CRACD: variants seen among roughly 807,000 people sequenced by gnomAD.
The protein encoded by CRACD is capping protein-inhibiting regulator of actin dynamics.
In CRACD, 56 loss-of-function variants were observed where a neutral mutation model predicts 106.8. The ratio of observed to expected loss-of-function variants is 0.52; its 90% CI spans 0.42 to 0.66. The LOEUF (loss-of-function observed/expected upper bound fraction) is 0.66, where lower values mean the gene tolerates loss of function less well. Ranked by LOEUF, CRACD falls within the 30% of genes least tolerant of loss-of-function variation. The probability of loss-of-function intolerance (pLI) is 0.00; values close to 1 mark genes in which losing one functional copy is unlikely to be tolerated. For missense variants in CRACD, 1,730 were observed against 1,623.2 expected (o/e 1.07, Z -1.13); for synonymous variants, 754 against 670.8 (o/e 1.12, Z -1.92).
chr4:56,058,907 A>G (rs1025230121), intron 1 of CRACD, among the ~76,000 whole-genome samples: 2 of 152,208 alleles, frequency 1.3e-5, no homozygotes, highest in Non-Finnish European at 2.9e-5. Context: ...TTCATAATCC[A>G]TACTAGAAAT....
chr4:56,245,351 A>G (rs1740623692), intron 2 of CRACD, among the ~76,000 whole-genome samples: 1 of 152,194 alleles, frequency 6.6e-6, no homozygotes, highest in Admixed American at 6.5e-5. Flanking sequence ...AGAATGTCTA[A>G]TCTCAGAATC....
At chr4:56,316,742 G>GAC in intron 8 of CRACD, 53 bp downstream of exon 8, 2 of 1,542,850 alleles carry the variant, frequency 1.3e-6, no homozygotes, top group Non-Finnish European at 8.8e-7. Flanking sequence ...CAGAGCCAGG[G>GAC]CATCAAGAAG....
At chr4:56,296,326 C>A (rs990427849) in intron 3 of CRACD, among the ~76,000 whole-genome samples, 3 of 151,580 alleles carry the variant, frequency 2.0e-5, no homozygotes, top group South Asian at 2.1e-4. Context: ...TAAAACTCCA[C>A]ACAGTTTTTT....
Position 56,170,009 on chromosome 4 carries a change from T to G in CRACD, c.-335-9275T>G, listed in dbSNP as rs115484313. ...TTGAATGAGTTCAGTTTATGATACTTAGGTTCTGTTTGTACTTTCACTGAG... is the reference window on the plus strand; with the variant it reads ...TTGAATGAGTTCAGTTTATGATACTGAGGTTCTGTTTGTACTTTCACTGAG... On this transcript the variant is annotated intron_variant, in intron 1 of 10. Coordinates refer to ENST00000682029, the MANE Select transcript of CRACD (RefSeq NM_001393381.1). 8.7e-3 allele frequency among the ~76,000 whole-genome samples: 1,321 copies of G among 152,288 alleles called. 16 individuals are homozygous for G. The highest frequency in any genetic ancestry group is 0.029 in the Admixed American group (448 of 15,290).
At position 56,314,992 on chromosome 4, in the gene CRACD, C is replaced by G. The variant is rs542112433; in HGVS notation, c.1490C>G (p.Pro497Arg). ...GAGCCTCTCCTGAAACAAGAGGGGC[C>G]GGTGGAAGCCGCGCAGCCTCCGGTG... ...DTEPLLKQEGPVEAAQPPVER... is the reference protein window; with the variant it reads ...DTEPLLKQEGRVEAAQPPVER... Residue 497 changes from proline (P) to arginine (R), a missense_variant, in exon 8 of 11, where the codon CCG becomes CGG. By Grantham distance (103) the Pro-to-Arg change is moderately radical. Around this residue, in one of 5 missense-constraint regions of CRACD, gnomAD observed 1,620 missense variants for 1,481.6 expected, o/e 1.09. Transcript: ENST00000682029. The surrounding 1 kb of genome is among the most constrained non-coding windows in gnomAD (Gnocchi z 4.4). The G allele has an allele frequency of 6.3e-7, 1 of 1,585,278 alleles. No homozygotes were observed. The highest frequency in any genetic ancestry group is 1.1e-5 in the South Asian group (1 of 87,006).
In CRACD at chr4:56,049,318, C is replaced by G. The variant is rs977036828; in HGVS notation, c.-336+19C>G. On this transcript the variant is annotated intron_variant, in intron 1 of 10. Transcript: ENST00000682029. ...ACCTCAGGTGAGCGCCTGCTCGGCCCGCGGCCGGAGCCAGACAATGGGGAC... is the reference window on the plus strand; with the variant it reads ...ACCTCAGGTGAGCGCCTGCTCGGCCGGCGGCCGGAGCCAGACAATGGGGAC... The G allele has an allele frequency of 2.0e-5, 3 of 151,702 alleles. No individual in the cohort carries two copies. The highest frequency in any genetic ancestry group is 4.4e-5 in the Non-Finnish European group (3 of 67,890). 9.4% of individuals were successfully genotyped at this position (151,702 alleles called of 1,614,324 possible).
chr4:56,226,397 G>A (rs992041772), intron 2 of CRACD, among the ~76,000 whole-genome samples: 6 of 152,096 alleles, frequency 3.9e-5, no homozygotes, highest in African/African-American at 1.4e-4. Context: ...GAGGAGAAAC[G>A]CAGATACAAG....
rs544951818 is a variant in CRACD at position 56,326,257 on chromosome 4, T to C, written c.3542-1387T>C. On this transcript the variant is annotated intron_variant, in intron 10 of 10. Transcript: ENST00000682029. The stretch of plus-strand genomic sequence containing the variant: ...CCACTTTAGAATGCTGTGTAATTTC[T>C]TAAGAACCGCAGGCAGGCATTATGT... Among the ~76,000 whole-genome samples, 821 of 113,982 alleles carry C rather than the reference T, an allele frequency of 7.2e-3. 11 individuals are homozygous for C. Among genetic ancestry groups the C allele is most frequent in the African/African-American group, 0.022 (743 of 33,234 alleles). 74.8% of individuals were successfully genotyped at this position (113,982 alleles called of 152,430 possible).
intron 1 of CRACD, among the ~76,000 whole-genome samples, chr4:56,087,449 TC>T (rs1733266611): frequency 1.3e-5 from 2 of 152,226 alleles, no homozygotes; most frequent in Non-Finnish European, 2.9e-5. Context: ...ATTTCTTGGA[TC>T]TTCCTCTCGC....
intron 1 of CRACD, among the ~76,000 whole-genome samples, chr4:56,165,500 GAC>G (rs1236191138): frequency 6.6e-6 from 1 of 152,124 alleles, no homozygotes; most frequent in Non-Finnish European, 1.5e-5. Flanking sequence ...CTTACCCAGG[GAC>G]ACACAGTTAG....
At chr4:56,318,479 AG>A (rs1469976283) in intron 8 of CRACD, among the ~76,000 whole-genome samples, 1 of 152,130 alleles carries the variant, frequency 6.6e-6, no homozygotes, top group Non-Finnish European at 1.5e-5. Flanking sequence ...TCTCTCTCAC[AG>A]CCTCGTCTGC....
intron 1 of CRACD, among the ~76,000 whole-genome samples, chr4:56,157,282 A>G (rs1735794178): frequency 6.6e-6 from 1 of 152,224 alleles, no homozygotes; most frequent in Non-Finnish European, 1.5e-5. Context: ...AGCCTGAGCA[A>G]CATAGCAAAA....
In CRACD at chr4:56,315,948, T is replaced by G. The variant is rs771871445; in HGVS notation, c.2446T>G (p.Phe816Val). 6.2e-7 allele frequency: 1 copy of G among 1,613,912 alleles called. No homozygotes were observed. The highest frequency in any genetic ancestry group is 8.5e-7 in the Non-Finnish European group (1 of 1,179,974). The stretch of plus-strand genomic sequence containing the variant: ...GCAGAAAGTGGTGGCCCACACAGAG[T>G]TCACGACCTCGTCGGACAGCGAGAC... ...PPQKVVAHTEFTTSSDSETAN... is the reference protein window; with the variant it reads ...PPQKVVAHTEVTTSSDSETAN... The change falls in exon 8 of 11, where the codon TTC becomes GTC. Residue 816 changes from phenylalanine to valine, a missense_variant. Coordinates refer to ENST00000682029, the MANE Select transcript of CRACD (RefSeq NM_001393381.1). The surrounding 1 kb of genome is among the most constrained non-coding windows in gnomAD (Gnocchi z 4.1).
chr4:56,312,288 G>C (rs1242581487), intron 6 of CRACD, among the ~76,000 whole-genome samples: 2 of 152,064 alleles, frequency 1.3e-5, no homozygotes, highest in East Asian at 3.9e-4. Flanking sequence ...AGCTTCCCCA[G>C]CTGGGATTAC....
intron 2 of CRACD, among the ~76,000 whole-genome samples, chr4:56,193,109 CAAAG>C (rs1464030652): frequency 1.3e-5 from 2 of 152,114 alleles, no homozygotes; most frequent in African/African-American, 4.8e-5. Flanking sequence ...TGGTGGAAGA[CAAAG>C]GAAGAGCAAA....
At chr4:56,186,177 C>G (rs1282884954) in intron 2 of CRACD, among the ~76,000 whole-genome samples, 1 of 152,136 alleles carries the variant, frequency 6.6e-6, no homozygotes, top group Admixed American at 6.5e-5. Flanking sequence ...CTGAGGGAAG[C>G]AAAATTCTAG....
intron 2 of CRACD, among the ~76,000 whole-genome samples, chr4:56,207,922 A>C (rs2109486008): frequency 6.6e-6 from 1 of 151,146 alleles, no homozygotes; most frequent in East Asian, 1.9e-4. Context: ...CCTGGGCTCA[A>C]GTGATCCTCC....
intron 1 of CRACD, among the ~76,000 whole-genome samples, chr4:56,161,376 G>C (rs1169374788): frequency 6.6e-6 from 1 of 152,108 alleles, no homozygotes; most frequent in Non-Finnish European, 1.5e-5. Flanking sequence ...TTTGGAGCTT[G>C]AGAATGATTT....
At chr4:56,232,576 T>C (rs2109538672) in intron 2 of CRACD, among the ~76,000 whole-genome samples, 1 of 152,324 alleles carries the variant, frequency 6.6e-6, no homozygotes, top group East Asian at 1.9e-4. Flanking sequence ...TTTCTAAAGT[T>C]GCATTCCCGT....
Sources: allele counts gnomAD v4.1 joint callset (sites outside exome capture counted in the v4.1 genomes callset), GRCh38; gene constraint gnomAD v4.1.1; regional missense constraint gnomAD v4.1.1; non-coding constraint Gnocchi (gnomAD v3.1); transcripts MANE v1.5; gene names NCBI Gene and HGNC (gene_info 2026-07-23, HGNC 2026-07-21).